QPCT: variants seen among roughly 807,000 people sequenced by gnomAD.
The protein encoded by QPCT is EC.
Under a neutral mutation model 43.4 loss-of-function variants are expected in QPCT, and 44 were observed. The observed-to-expected ratio is 1.01, with a 90% confidence interval of 0.80 to 1.30. The LOEUF (loss-of-function observed/expected upper bound fraction) is 1.30, where lower values mean the gene tolerates loss of function less well. Among genes scored for constraint, QPCT ranks in the 50% most tolerant of loss-of-function variants. The probability of loss-of-function intolerance (pLI) is 0.00; values close to 1 mark genes in which losing one functional copy is unlikely to be tolerated. For synonymous variants in QPCT, 168 were observed against 168.4 expected, an observed-to-expected ratio of 1.00 and a Z score of 0.02; for missense variants, 526 against 436.5, an observed-to-expected ratio of 1.21 and a Z score of -1.83.
At chr2:37,364,104 A>T (rs1672909425) in intron 3 of QPCT, among the ~76,000 whole-genome samples, 1 of 152,248 alleles carries the variant, frequency 6.6e-6, no homozygotes, top group Admixed American at 6.5e-5. Context: ...TTAAATAAAA[A>T]TAATTTGCAA....
intron 1 of QPCT, among the ~76,000 whole-genome samples, chr2:37,349,194 GC>G (rs1023038640): frequency 1.3e-5 from 2 of 152,138 alleles, no homozygotes; most frequent in African/African-American, 4.8e-5. Context: ...GGGCATCTTT[GC>G]CCCCAGAGGG....
intron 6 of QPCT, 56 bp from the exon 7 acceptor site, chr2:37,372,626 T>C: frequency 1.3e-6 from 2 of 1,568,722 alleles, no homozygotes; most frequent in Non-Finnish European, 1.7e-6. Flanking sequence ...AATGACCCTT[T>C]CTAGTTTACT....
chr2:37,362,387 T>C (rs1672871787), intron 3 of QPCT, among the ~76,000 whole-genome samples: 1 of 152,228 alleles, frequency 6.6e-6, no homozygotes, highest in African/African-American at 2.4e-5. Flanking sequence ...ATTTAATGCT[T>C]ATTAAACCCT....
rs1384480571 is a variant in QPCT, at chr2:37,373,069, G to T, written c.*242G>T. ...AAAGAGGGACCGTGTAAAGAAAATG[G>T]AAAATAAATATCTTTCAAAGACTCT... On this transcript the variant is annotated 3_prime_UTR_variant, in exon 7 of 7. Transcript: ENST00000338415. The T allele has an allele frequency of 1.3e-5, 4 of 318,240 alleles. No individual in the cohort carries two copies. Among genetic ancestry groups the T allele is most frequent in the Non-Finnish European group, 2.3e-5 (4 of 177,358 alleles). The allele number at this position is 318,240 out of a possible 1,614,324, so 19.7% of individuals were successfully genotyped here.
At chr2:37,367,502 G>A in intron 4 of QPCT, 94 bp downstream of exon 4, 1 of 1,262,402 alleles carries the variant, frequency 7.9e-7, no homozygotes, top group Non-Finnish European at 1.1e-6. Flanking sequence ...AAATGCCACA[G>A]CATCCTTGGA....
rs185048324 is a variant in QPCT at position 37,357,138 on chromosome 2, T to C, written c.268-2442T>C. ...CTAGTAACAAGTTGAGAAATAAGTT[T>C]GTGTGTGACTTCTGAGTATTGCTAA... On this transcript the variant is annotated intron_variant, in intron 2 of 6. Coordinates refer to ENST00000338415, the MANE Select transcript of QPCT (RefSeq NM_012413.4). Among the ~76,000 whole-genome samples, 246 of 152,330 alleles carry C rather than the reference T, an allele frequency of 1.6e-3. 2 individuals carry two copies. The highest frequency in any genetic ancestry group is 3.6e-3 in the Admixed American group (55 of 15,302).
intron 1 of QPCT, among the ~76,000 whole-genome samples, chr2:37,351,328 AG>A (rs1261865487): frequency 6.6e-6 from 1 of 152,168 alleles, no homozygotes; most frequent in Non-Finnish European, 1.5e-5. Flanking sequence ...CTTCCTGTTG[AG>A]GAGGAGTAAC....
At chr2:37,348,931 G>A (rs927900905) in intron 1 of QPCT, among the ~76,000 whole-genome samples, 3 of 152,200 alleles carry the variant, frequency 2.0e-5, no homozygotes, top group Non-Finnish European at 4.4e-5. Flanking sequence ...CCCCTGCTGA[G>A]CTCGCTCTTT....
chr2:37,370,191 GA>G (rs1205694634), intron 5 of QPCT, among the ~76,000 whole-genome samples: 13 of 150,108 alleles, frequency 8.7e-5, no homozygotes, highest in South Asian at 6.3e-4. Context: ...TCTCAAAAAA[GA>G]AAAAAAAATT....
At chr2:37,372,609 C>T in intron 6 of QPCT, 73 bp from the exon 7 acceptor site, 1 of 1,533,084 alleles carries the variant, frequency 6.5e-7, no homozygotes. Context: ...GCTCCCTCTG[C>T]TTGAAGAATG....
intron 1 of QPCT, among the ~76,000 whole-genome samples, chr2:37,345,978 T>G (rs993822892): frequency 6.6e-6 from 1 of 152,146 alleles, no homozygotes. Context: ...TAAAATAGTA[T>G]GTTATAGAGA....
rs1673114197 is a variant in QPCT at position 37,373,008 on chromosome 2, C to G, written c.*181C>G. 2 of 467,722 alleles carry G rather than the reference C, an allele frequency of 4.3e-6. No homozygotes were observed. Among genetic ancestry groups the G allele is most frequent in the Non-Finnish European group, 3.6e-6 (1 of 280,014 alleles). 29.0% of individuals were successfully genotyped at this position (467,722 alleles called of 1,614,324 possible). On this transcript the variant is annotated 3_prime_UTR_variant, in exon 7 of 7. Transcript: ENST00000338415. ...GAATAATTGTGTTGTGATATTGTGT[C>G]CTAAATTGCTCATTAATTTTTATTT...
intron 2 of QPCT, among the ~76,000 whole-genome samples, chr2:37,359,326 T>C (rs907036576): frequency 6.6e-6 from 1 of 152,172 alleles, no homozygotes; most frequent in African/African-American, 2.4e-5. Context: ...ATATTAACAA[T>C]TGGTTGAGAT....
intron 1 of QPCT, among the ~76,000 whole-genome samples, chr2:37,352,229 A>C (rs1450034329): frequency 6.6e-6 from 1 of 152,236 alleles, no homozygotes; most frequent in Non-Finnish European, 1.5e-5. Flanking sequence ...TTAAAATTCG[A>C]GGACCCCTTA....
At chr2:37,368,797 T>C in intron 4 of QPCT, 4 of 398,786 alleles carry the variant, frequency 1.0e-5, no homozygotes, top group Non-Finnish European at 2.0e-5. Context: ...GCCACAGTGA[T>C]TCATATATTT....
chr2:37,357,433 T>C (rs1341293788), intron 2 of QPCT, among the ~76,000 whole-genome samples: 4 of 152,176 alleles, frequency 2.6e-5, no homozygotes, highest in African/African-American at 7.2e-5. Context: ...TCGTATAGTT[T>C]TATATATTCT....
chr2:37,371,655 CTCT>C (rs761359790), intron 5 of QPCT, among the ~76,000 whole-genome samples: 8 of 152,076 alleles, frequency 5.3e-5, no homozygotes, highest in Non-Finnish European at 1.2e-4. Flanking sequence ...TTCATGTAAT[CTCT>C]TGTCATCTTG....
rs527695717 is a variant in QPCT, at chr2:37,357,810, G to A, written c.268-1770G>A. 2.0e-4 allele frequency among the ~76,000 whole-genome samples: 31 copies of A among 152,004 alleles called. No individual in the cohort carries two copies. The South Asian group carries it at 6.2e-3, about 31-fold the overall frequency. On this transcript the variant is annotated intron_variant, in intron 2 of 6. Transcript: ENST00000338415. ...CAGTTGTTTTGAGTCTCTTGCCTACGTGTCATGTCGCATTAGTGAGCACAG... is the reference window on the plus strand; with the variant it reads ...CAGTTGTTTTGAGTCTCTTGCCTACATGTCATGTCGCATTAGTGAGCACAG...
intron 1 of QPCT, among the ~76,000 whole-genome samples, chr2:37,346,415 A>C (rs1366048930): frequency 6.6e-6 from 1 of 152,218 alleles, no homozygotes; most frequent in East Asian, 1.9e-4. Flanking sequence ...TACAGACTGG[A>C]ATATGGAGCC....
Sources: allele counts gnomAD v4.1 joint callset (sites outside exome capture counted in the v4.1 genomes callset), GRCh38; gene constraint gnomAD v4.1.1; transcripts MANE v1.5; gene names NCBI Gene and HGNC (gene_info 2026-07-23, HGNC 2026-07-21).